IFT74: variants seen among roughly 807,000 people sequenced by gnomAD.
IFT74 encodes the protein intraflagellar transport protein 74 homolog.
A neutral mutation model predicts 96.7 loss-of-function variants in IFT74; 92 were observed. The ratio of observed to expected loss-of-function variants is 0.95; its 90% CI spans 0.80 to 1.13. The LOEUF is 1.13. Ranked by LOEUF, IFT74 falls within the 50% of genes most tolerant of loss-of-function variation. The pLI, the probability that IFT74 is intolerant of heterozygous loss-of-function variation, is 0.00. For synonymous variants in IFT74, 223 were observed against 213.2 expected, an observed-to-expected ratio of 1.05 and a Z score of -0.40; for missense variants, 811 against 698.2, an observed-to-expected ratio of 1.16 and a Z score of -1.82.
chr9:27,047,584 A>G (rs558140251), intron 15 of IFT74, among the ~76,000 whole-genome samples: 1 of 152,362 alleles, frequency 6.6e-6, no homozygotes, highest in South Asian at 2.1e-4. Context: ...AAAAAGGATG[A>G]CATGTATAAT....
intron 13 of IFT74, among the ~76,000 whole-genome samples, chr9:27,041,522 T>A (rs1819476854): frequency 1.3e-5 from 2 of 152,160 alleles, no homozygotes; most frequent in Admixed American, 1.3e-4. Context: ...TGCTCCGAAT[T>A]AAAGGATATC....
In IFT74 at chr9:26,988,716, T is replaced by G. The variant is rs1479676709; in HGVS notation, c.513T>G (p.Asn171Lys). The change falls in exon 7 of 20, where the codon AAT (asparagine) becomes AAG (lysine). Residue 171 changes from asparagine (N) to lysine (K), a missense_variant. Transcript: ENST00000380062. ...NTNTEMEEVM[N>K]DYNMLKAQND... The stretch of plus-strand genomic sequence containing the variant: ...ACACTGAAATGGAAGAAGTAATGAA[T>G]GATTACAATATGGTAAGAAAATTTA... The G allele has an allele frequency of 6.5e-7, 1 of 1,540,050 alleles. No individual in the cohort carries two copies. The highest frequency in any genetic ancestry group is 8.9e-7 in the Non-Finnish European group (1 of 1,128,914).
chr9:26,959,333 T>C (rs1035396256), intron 1 of IFT74, among the ~76,000 whole-genome samples: 1 of 152,052 alleles, frequency 6.6e-6, no homozygotes, highest in Admixed American at 6.6e-5. Context: ...ATGGTCTCGA[T>C]CTCCTGACTT....
At chr9:26,996,323 T>G (rs779998604) in intron 8 of IFT74, 1 of 1,588,704 alleles carries the variant, frequency 6.3e-7, no homozygotes, top group South Asian at 1.1e-5. Context: ...GAATTTCTTG[T>G]TAAGTTGTTC....
At chr9:26,998,261 A>G (rs776391551) in intron 8 of IFT74, 2 of 1,345,800 alleles carry the variant, frequency 1.5e-6, no homozygotes, top group Admixed American at 2.7e-5. Context: ...CAAAAAAAAG[A>G]AAGGCATTAA....
At chr9:26,992,775 C>T (rs1827945638) in intron 8 of IFT74, among the ~76,000 whole-genome samples, 1 of 152,036 alleles carries the variant, frequency 6.6e-6, no homozygotes, top group Non-Finnish European at 1.5e-5. Flanking sequence ...CTTGTGTTAA[C>T]CAGATGGCCA....
At chr9:26,989,871 A>G (rs1827792081) in intron 7 of IFT74, among the ~76,000 whole-genome samples, 1 of 152,176 alleles carries the variant, frequency 6.6e-6, no homozygotes, top group African/African-American at 2.4e-5. Flanking sequence ...CATAAATTGA[A>G]TTTACATTGA....
intron 13 of IFT74, among the ~76,000 whole-genome samples, chr9:27,044,132 C>T (rs1819592740): frequency 6.6e-6 from 1 of 152,138 alleles, no homozygotes; most frequent in African/African-American, 2.4e-5. Context: ...CTTTATGCTA[C>T]CATATTCATC....
chr9:26,995,708 T>G, intron 8 of IFT74: 1 of 1,613,898 alleles, frequency 6.2e-7, no homozygotes, highest in Non-Finnish European at 8.5e-7. Context: ...TTCATGCTCT[T>G]CCAGGCGATG....
chr9:26,963,331 G>A (rs1018522363), intron 2 of IFT74, among the ~76,000 whole-genome samples: 4 of 151,914 alleles, frequency 2.6e-5, no homozygotes, highest in East Asian at 3.9e-4. Flanking sequence ...GTGTATATGT[G>A]CCACATTTTC....
chr9:27,056,548 T>C, intron 18 of IFT74, 89 bp downstream of exon 18: 1 of 1,153,366 alleles, frequency 8.7e-7, no homozygotes, highest in Non-Finnish European at 1.2e-6. Flanking sequence ...ATTTGCTTTA[T>C]ATACCTTCTA....
chr9:26,970,449 A>G (rs1244183482), intron 2 of IFT74, among the ~76,000 whole-genome samples: 1 of 152,210 alleles, frequency 6.6e-6, no homozygotes, highest in Non-Finnish European at 1.5e-5. Context: ...TCTTTCAGCA[A>G]TATATTATGA....
At chr9:26,975,901 G>A (rs988827118) in intron 2 of IFT74, among the ~76,000 whole-genome samples, 9 of 152,144 alleles carry the variant, frequency 5.9e-5, no homozygotes, top group African/African-American at 2.2e-4. Context: ...GTGGGAAATG[G>A]CAGGATCTGC....
At chr9:27,062,287 G>GGTATGT (rs953209346) in intron 19 of IFT74, among the ~76,000 whole-genome samples, 12 of 152,112 alleles carry the variant, frequency 7.9e-5, no homozygotes, top group Non-Finnish European at 1.8e-4. Context: ...TAGAGAACGT[G>GGTATGT]GTATGTGTAT....
intron 12 of IFT74, among the ~76,000 whole-genome samples, chr9:27,019,736 A>G (rs1167181920): frequency 6.6e-6 from 1 of 151,786 alleles, no homozygotes; most frequent in African/African-American, 2.4e-5. Flanking sequence ...TGCTCCTATA[A>G]ACATCCATGT....
chr9:26,978,367 A>T, intron 3 of IFT74, 104 bp downstream of exon 3: 2 of 1,176,316 alleles, frequency 1.7e-6, no homozygotes, highest in Non-Finnish European at 2.4e-6. Flanking sequence ...TTTGAACAAT[A>T]AGTATTACAG....
At chr9:26,955,939 T>C (rs974163610), upstream of IFT74, 9 of 152,082 alleles carry the variant, frequency 5.9e-5, no homozygotes, top group African/African-American at 2.2e-4. Flanking sequence ...GCAAAGCTTC[T>C]GGTGAAAGCA....
At chr9:27,037,988 A>G (rs1819279703) in intron 13 of IFT74, among the ~76,000 whole-genome samples, 1 of 152,216 alleles carries the variant, frequency 6.6e-6, no homozygotes, top group Admixed American at 6.5e-5. Context: ...TGTTTTAGCC[A>G]TTTGATCGAG....
chr9:27,023,814 C>T (rs940019803), intron 12 of IFT74, among the ~76,000 whole-genome samples: 1 of 152,168 alleles, frequency 6.6e-6, no homozygotes, highest in Non-Finnish European at 1.5e-5. Flanking sequence ...TTGGCCATAG[C>T]CAGCCCCATA....
Sources: allele counts gnomAD v4.1 joint callset (sites outside exome capture counted in the v4.1 genomes callset), GRCh38; gene constraint gnomAD v4.1.1; transcripts MANE v1.5; gene names NCBI Gene and HGNC (gene_info 2026-07-23, HGNC 2026-07-21).